Variants in TIGD4 observed in about 807,000 individuals in gnomAD.
The protein encoded by TIGD4 is tigger transposable element derived 4, also known as tigger transposable element-derived protein 4.
TIGD4 carries 20 observed loss-of-function variants against 24.9 expected under a neutral mutation model. The observed-to-expected ratio is 0.80, with a 90% CI of 0.56 to 1.17. The LOEUF (loss-of-function observed/expected upper bound fraction) is 1.17. Ranked by LOEUF, TIGD4 falls within the 50% of genes most tolerant of loss-of-function variation. The pLI is 0.00. For missense variants in TIGD4, 566 were observed against 591.0 expected (o/e 0.96, Z 0.44); for synonymous variants, 193 against 211.0 (o/e 0.91, Z 0.74).
chr4:152,771,090 G>T lies in TIGD4; in HGVS notation c.-86C>A. The T allele has an allele frequency of 7.0e-7, 1 of 1,433,360 alleles. No individual in the cohort carries two copies. Among genetic ancestry groups the T allele is most frequent in the Non-Finnish European group, 9.2e-7 (1 of 1,087,502 alleles). 88.8% of individuals were successfully genotyped at this position (1,433,360 alleles called of 1,614,324 possible). A position where few individuals can be genotyped will look rare whatever the true frequency, so the allele number is the denominator to read the frequency against. ...TAAATTTGTTTTCCAGTATAATATA[G>T]ATTGCTGCTTTCTATCCTACTTTAT... On this transcript the variant is annotated 5_prime_UTR_variant, in exon 2 of 2. Coordinates refer to ENST00000304337, the MANE Select transcript of TIGD4 (RefSeq NM_145720.4).
At chr4:152,774,454 C>A (rs917031950) in intron 1 of TIGD4, among the ~76,000 whole-genome samples, 1 of 152,214 alleles carries the variant, frequency 6.6e-6, no homozygotes, top group Non-Finnish European at 1.5e-5. Flanking sequence ...CAAACTCCAA[C>A]AGTATAACAT....
At chr4:152,776,723 A>G (rs7699068) in intron 1 of TIGD4, among the ~76,000 whole-genome samples, 99,630 of 152,020 alleles carry the variant, frequency 0.66, 32,890 homozygotes, top group South Asian at 0.72. Context: ...CTCAACTAGA[A>G]TTGGCCAATT....
chr4:152,770,962 C>T lies in TIGD4; in HGVS notation c.43G>A (p.Val15Met), dbSNP rs566409550. Residue 15 changes from valine to methionine, a missense_variant, in exon 2 of 2, where the codon GTG becomes ATG. Val to Met is a conservative substitution (Grantham distance 21). Coordinates refer to ENST00000304337, the MANE Select transcript of TIGD4 (RefSeq NM_145720.4). ...ATGGATAGGCTTTTCTTTTTCTTCA[C>T]TGTTACAGGCAGAGTTGAGGCATCC... The part of the protein sequence containing the change: ...SVDASTLPVT[V>M]KKKKSLSIEE... 48 of 1,611,906 alleles carry T rather than the reference C, an allele frequency of 3.0e-5. No homozygotes were observed. The East Asian group carries it at 1.0e-3, about 34-fold the overall frequency.
Position 152,770,413 on chromosome 4 carries a change from C to G in TIGD4, c.592G>C (p.Ala198Pro). ...ACTGAACATGTTTCGCCTTTAAATG[C>G]AAATGTATTGGTAGGTAACATTCGA... ...LYRMLPTNTF[A>P]FKGETCSVGK... The change falls in exon 2 of 2, where the codon GCA becomes CCA. Residue 198 changes from alanine to proline, a missense_variant. Physicochemically the swap from Ala to Pro is conservative, Grantham distance 27 (BLOSUM62 -1). Transcript: ENST00000304337. The G allele has an allele frequency of 1.2e-6, 2 of 1,614,088 alleles. No homozygotes were observed. Among genetic ancestry groups the G allele is most frequent in the South Asian group, 2.2e-5 (2 of 91,074 alleles).
Position 152,769,700 on chromosome 4 carries a change from A to C in TIGD4, c.1305T>G (p.Asn435Lys). ...TTTCTTTGGTGCATATGGAATCACCATTTGGTGCTGCTTCACATGTCTCCA... is the reference window on the plus strand; with the variant it reads ...TTTCTTTGGTGCATATGGAATCACCCTTTGGTGCTGCTTCACATGTCTCCA... ...DDLETCEAAP[N>K]GDSICTKESK... is the part of the protein sequence containing the mutation. The change falls in exon 2 of 2, where the codon AAT (asparagine) becomes AAG (lysine). Residue 435 changes from asparagine to lysine, a missense_variant. Transcript: ENST00000304337. The C allele has an allele frequency of 6.2e-7, 1 of 1,613,912 alleles. No homozygotes were observed. The highest frequency in any genetic ancestry group is 8.5e-7 in the Non-Finnish European group (1 of 1,179,884).
chr4:152,769,918 A>G lies in TIGD4; in HGVS notation c.1087T>C (p.Trp363Arg). The G allele has an allele frequency of 6.2e-7, 1 of 1,613,736 alleles. No homozygotes were observed. ...LDAVDTLHLC[W>R]RAVTPETIVK... ...ATAGTCTCTGGGGTTACAGCCCTCCAGCAAAGATGCAATGTATCAACTGCA... is the reference window on the plus strand; with the variant it reads ...ATAGTCTCTGGGGTTACAGCCCTCCGGCAAAGATGCAATGTATCAACTGCA... Residue 363 changes from tryptophan (W) to arginine (R), a missense_variant, in exon 2 of 2, where the codon TGG becomes CGG. By Grantham distance (101) the Trp-to-Arg change is moderately radical. Transcript: ENST00000304337.
intron 1 of TIGD4, among the ~76,000 whole-genome samples, chr4:152,775,819 C>T (rs1730250612): frequency 6.6e-6 from 1 of 152,182 alleles, no homozygotes; most frequent in Admixed American, 6.5e-5. Context: ...CTCCAAAATT[C>T]CCTTGCAAGT....
Position 152,770,841 on chromosome 4 carries a change from G to A in TIGD4, c.164C>T (p.Ser55Phe), listed in dbSNP as rs937712176. Residue 55 changes from serine to phenylalanine, a missense_variant, in exon 2 of 2, where the codon TCT becomes TTT. Ser to Phe is a radical substitution (Grantham distance 155). Transcript: ENST00000304337. Reference protein sequence around the residue: ...EYGIKKNSLSSIMKNKDKVLE... With the variant: ...EYGIKKNSLSFIMKNKDKVLE... ...AACTTTGTCTTTATTCTTCATAATA[G>A]AAGACAATGAATTTTTCTTTATTCC... The A allele has an allele frequency of 7.4e-6, 12 of 1,613,132 alleles. No homozygotes were observed. Among genetic ancestry groups the A allele is most frequent in the Non-Finnish European group, 1.0e-5 (12 of 1,179,518 alleles).
At position 152,771,220 on chromosome 4, in the gene TIGD4, T is replaced by C. The variant is rs1730167740; in HGVS notation, c.-216A>G. 6.0e-6 allele frequency: 3 copies of C among 495,882 alleles called. No homozygotes were observed. The East Asian group carries it at 1.1e-4, about 18-fold the overall frequency. 30.7% of individuals were successfully genotyped at this position (495,882 alleles called of 1,614,324 possible). A position where few individuals can be genotyped will look rare whatever the true frequency, so the allele number is the denominator to read the frequency against. On this transcript the variant is annotated 5_prime_UTR_variant, in exon 2 of 2. Transcript: ENST00000304337. ...AATATTATATGCAACTAGAATATTTTAGAAGAGAAACTTCCTTCCTAGTAC... is the reference window on the plus strand; with the variant it reads ...AATATTATATGCAACTAGAATATTTCAGAAGAGAAACTTCCTTCCTAGTAC...
rs1578771511 is a variant in TIGD4, at chr4:152,769,459, T to A, written c.*7A>T. ...AAGCTATTACTCTTTAGATGTACAA[T>A]ACATAGTTACTTAGGTGATAAAGAG... On this transcript the variant is annotated 3_prime_UTR_variant, in exon 2 of 2. Transcript: ENST00000304337. 19 of 1,497,964 alleles carry A rather than the reference T, an allele frequency of 1.3e-5. No homozygotes were observed. The highest frequency in any genetic ancestry group is 1.6e-5 in the Non-Finnish European group (18 of 1,111,782). The allele number at this position is 1,497,964 out of a possible 1,614,324, so 92.8% of individuals were successfully genotyped here.
In TIGD4 at chr4:152,770,968, C is replaced by T. The variant is rs779789385; in HGVS notation, c.37G>A (p.Val13Ile). ...EASVDASTLP[V>I]TVKKKKSLSI... ...AGGCTTTTCTTTTTCTTCACTGTTA[C>T]AGGCAGAGTTGAGGCATCCACAGAA... is the stretch of plus-strand genomic sequence containing the variant. Residue 13 changes from valine to isoleucine, a missense_variant, in exon 2 of 2, where the codon GTA (valine) becomes ATA (isoleucine). Coordinates refer to ENST00000304337, the MANE Select transcript of TIGD4 (RefSeq NM_145720.4). 6.2e-7 allele frequency: 1 copy of T among 1,611,280 alleles called. No homozygotes were observed. The highest frequency in any genetic ancestry group is 1.7e-5 in the Admixed American group (1 of 59,412).
intron 1 of TIGD4, among the ~76,000 whole-genome samples, 163 bp from the exon 2 acceptor site, chr4:152,771,705 G>A (rs764921505): frequency 6.6e-6 from 1 of 152,068 alleles, no homozygotes; most frequent in African/African-American, 2.4e-5. Context: ...CCTCCCAAAG[G>A]CCTCTCTGTA....
chr4:152,770,782 T>C lies in TIGD4; in HGVS notation c.223A>G (p.Lys75Glu). ...AAAGCAGTTCTCAGTCTTTTTCTCT[T>C]TGGATCAAATCTTAGAGATTCAAAG... is the stretch of plus-strand genomic sequence containing the variant. ...EAFESLRFDP[K>E]RKRLRTAFYT... is the part of the protein sequence containing the mutation. The change falls in exon 2 of 2, where the codon AAG becomes GAG. Residue 75 changes from lysine to glutamate, a missense_variant. Transcript: ENST00000304337. 1 of 1,611,376 alleles carries C rather than the reference T, an allele frequency of 6.2e-7. No homozygotes were observed. Among genetic ancestry groups the C allele is most frequent in the Non-Finnish European group, 8.5e-7 (1 of 1,179,378 alleles).
chr4:152,776,576 C>A (rs28408053), intron 1 of TIGD4, among the ~76,000 whole-genome samples: 34,865 of 152,068 alleles, frequency 0.23, 4,144 homozygotes, highest in Admixed American at 0.29. Flanking sequence ...AAACTTAAGA[C>A]AGCACTCACT....
At chr4:152,772,678 C>T (rs549150831) in intron 1 of TIGD4, among the ~76,000 whole-genome samples, 22 of 152,102 alleles carry the variant, frequency 1.4e-4, no homozygotes, top group African/African-American at 5.1e-4. Flanking sequence ...AAGCAAGAAT[C>T]CCACCTTAAA....
chr4:152,770,297 C>T lies in TIGD4; in HGVS notation c.708G>A (p.Lys236=), dbSNP rs1561084418. The part of the protein sequence containing the change: ...EKLPLLVIGK[K]RTPHCFKGLK... ...AACCTTTGAAACAATGTGGAGTTCTCTTTTTTCCAATGACAAGCAAAGGAA... is the reference window on the plus strand; with the variant it reads ...AACCTTTGAAACAATGTGGAGTTCTTTTTTTTCCAATGACAAGCAAAGGAA... Residue 236 remains lysine (K), a synonymous_variant, in exon 2 of 2, where the codon AAG becomes AAA. Transcript: ENST00000304337. The T allele has an allele frequency of 3.1e-6, 5 of 1,613,944 alleles. No homozygotes were observed. The highest frequency in any genetic ancestry group is 3.3e-5 in the Admixed American group (2 of 59,986).
rs749206195 is a variant in TIGD4, at chr4:152,770,762, A to C, written c.243T>G (p.Thr81=). The C allele has an allele frequency of 6.2e-7, 1 of 1,612,734 alleles. No homozygotes were observed. The highest frequency in any genetic ancestry group is 8.5e-7 in the Non-Finnish European group (1 of 1,179,646). ...RFDPKRKRLR[T]AFYTDLEEAL... is the part of the protein sequence containing the mutation. ...CCTCTTCCAGATCTGTGTAAAAAGC[A>C]GTTCTCAGTCTTTTTCTCTTTGGAT... Residue 81 remains threonine (T), a synonymous_variant, in exon 2 of 2, where the codon ACT becomes ACG. Coordinates refer to ENST00000304337, the MANE Select transcript of TIGD4 (RefSeq NM_145720.4).
chr4:152,770,394 C>T lies in TIGD4; in HGVS notation c.611G>A (p.Cys204Tyr). Residue 204 changes from cysteine to tyrosine, a missense_variant, in exon 2 of 2, where the codon TGT becomes TAT. By Grantham distance (194) the Cys-to-Tyr change is radical. Coordinates refer to ENST00000304337, the MANE Select transcript of TIGD4 (RefSeq NM_145720.4). ...GTCTTTGCATAACTTTCCAACTGAA[C>T]ATGTTTCGCCTTTAAATGCAAATGT... Reference protein sequence around the residue: ...TNTFAFKGETCSVGKLCKDRI... With the variant: ...TNTFAFKGETYSVGKLCKDRI... 6.2e-7 allele frequency: 1 copy of T among 1,614,138 alleles called. No individual in the cohort carries two copies.
intron 1 of TIGD4, among the ~76,000 whole-genome samples, chr4:152,779,249 G>A (rs1730335930): frequency 6.6e-6 from 1 of 152,150 alleles, no homozygotes; most frequent in Non-Finnish European, 1.5e-5. Context: ...AAGAGGAGCC[G>A]GAAAGAAAAG....
Sources: gnomAD v4.1 joint callset for allele counts (sites outside exome capture counted in the v4.1 genomes callset) on GRCh38, gnomAD v4.1.1 for gene constraint, MANE v1.5 for transcripts, NCBI Gene and HGNC (gene_info 2026-07-23, HGNC 2026-07-21) for gene names.